Variants in DCAF6 observed in about 807,000 individuals in gnomAD.
DCAF6 encodes the protein DDB1 and CUL4 associated factor 6, also known as DDB1- and CUL4-associated factor 6.
A neutral mutation model predicts 125.1 loss-of-function variants in DCAF6; 54 were observed. The observed-to-expected ratio is 0.43, with a 90% CI of 0.35 to 0.54. The LOEUF is 0.54. Among genes scored for constraint, DCAF6 ranks in the 20% least tolerant of loss-of-function variants. The probability of loss-of-function intolerance (pLI) is 0.01; values close to 1 mark genes in which losing one functional copy is unlikely to be tolerated. For missense variants in DCAF6, 934 were observed against 1,161.7 expected, an observed-to-expected ratio of 0.80 and a Z score of 2.85; for synonymous variants, 371 against 390.4, an observed-to-expected ratio of 0.95 and a Z score of 0.58.
the DCAF6 span, among the ~76,000 whole-genome samples, chr1:167,899,158 G>A: frequency 6.6e-5 from 10 of 152,118 alleles, no homozygotes; most frequent in Non-Finnish European, 8.8e-5. Context: ...AAGGTCGCTA[G>A]CCCCTCAAAA....
the DCAF6 span, among the ~76,000 whole-genome samples, chr1:167,869,450 A>G: frequency 7.9e-5 from 12 of 152,160 alleles, no homozygotes; most frequent in Non-Finnish European, 1.5e-4. Flanking sequence ...AGACCCTCTC[A>G]TATTGTTTTA....
At chr1:167,970,437 A>G (rs1042774630) in intron 3 of DCAF6, among the ~76,000 whole-genome samples, 4 of 152,152 alleles carry the variant, frequency 2.6e-5, no homozygotes, top group Non-Finnish European at 5.9e-5. Context: ...AGATCGCTTG[A>G]GGCCAGGAGT....
chr1:168,071,005 A>G (rs1347811906), intron 21 of DCAF6, among the ~76,000 whole-genome samples: 4 of 152,304 alleles, frequency 2.6e-5, no homozygotes, highest in Admixed American at 1.3e-4. Flanking sequence ...CTGTTATCCT[A>G]TTGAGATCAC....
At chr1:167,966,124 C>T (rs1374511817) in intron 2 of DCAF6, among the ~76,000 whole-genome samples, 2 of 152,114 alleles carry the variant, frequency 1.3e-5, no homozygotes, top group Non-Finnish European at 2.9e-5. Flanking sequence ...AGCATTTTGT[C>T]CTGTGTCCTT....
chr1:168,052,123 A>C (rs1431115278), intron 17 of DCAF6, among the ~76,000 whole-genome samples: 1 of 152,090 alleles, frequency 6.6e-6, no homozygotes, highest in Non-Finnish European at 1.5e-5. Context: ...ACATCAAGTG[A>C]TCTGCCCATG....
In DCAF6 at chr1:167,985,213, T is replaced by G. The variant is rs918449894; in HGVS notation, c.439-2282T>G. On this transcript the variant is annotated intron_variant, in intron 4 of 21. Coordinates refer to ENST00000367840, the MANE Select transcript of DCAF6 (RefSeq NM_001198956.2). ...TGTGTGTGTGTGTGTGTGTGTGTGGTGTGTGTGTGTGTGGTGTGTGTGTGC... is the reference window on the plus strand; with the variant it reads ...TGTGTGTGTGTGTGTGTGTGTGTGGGGTGTGTGTGTGTGGTGTGTGTGTGC... Among the ~76,000 whole-genome samples the G allele has an allele frequency of 5.7e-5, 8 of 141,114 alleles. No homozygotes were observed. The South Asian group carries it at 6.7e-4, about 12-fold the overall frequency. 92.6% of individuals were successfully genotyped at this position (141,114 alleles called of 152,430 possible). A position where few individuals can be genotyped will look rare whatever the true frequency, so the allele number is the denominator to read the frequency against.
chr1:167,924,726 T>C, the DCAF6 span, among the ~76,000 whole-genome samples: 1 of 152,176 alleles, frequency 6.6e-6, no homozygotes, highest in Non-Finnish European at 1.5e-5. Flanking sequence ...ACAGTACAGT[T>C]GACCCTTGAA....
the DCAF6 span, among the ~76,000 whole-genome samples, chr1:167,881,858 G>A: frequency 1.3e-5 from 2 of 152,180 alleles, no homozygotes; most frequent in Non-Finnish European, 2.9e-5. Context: ...ATACCCATGG[G>A]TCAGTATTGA....
At chr1:167,930,707 AAC>A in the DCAF6 span, among the ~76,000 whole-genome samples, 2 of 152,206 alleles carry the variant, frequency 1.3e-5, no homozygotes, top group East Asian at 3.8e-4. Flanking sequence ...CAACGACTAG[AAC>A]ACAGTTTCTT....
At chr1:168,019,176 G>A (rs1358376434) in intron 11 of DCAF6, among the ~76,000 whole-genome samples, 1 of 138,252 alleles carries the variant, frequency 7.2e-6, no homozygotes, top group Non-Finnish European at 1.5e-5. Flanking sequence ...AGCCTCCCAA[G>A]TAGCTGGGAT....
At chr1:168,045,485 G>C (rs1162593413) in intron 16 of DCAF6, among the ~76,000 whole-genome samples, 1 of 152,174 alleles carries the variant, frequency 6.6e-6, no homozygotes. Flanking sequence ...TGAATTTACA[G>C]ATCAAGAGAA....
the DCAF6 span, chr1:167,896,581 T>C: frequency 1.3e-6 from 2 of 1,594,526 alleles, no homozygotes; most frequent in South Asian, 1.1e-5. Context: ...CATTTTTCCA[T>C]GGTGGGTACT....
the DCAF6 span, among the ~76,000 whole-genome samples, chr1:167,921,360 T>C: frequency 6.6e-6 from 1 of 152,028 alleles, no homozygotes; most frequent in African/African-American, 2.4e-5. Context: ...TAGCTGGAAT[T>C]ACAGGCGTGT....
intron 11 of DCAF6, among the ~76,000 whole-genome samples, chr1:168,022,780 A>G (rs1303699696): frequency 6.6e-6 from 1 of 152,200 alleles, no homozygotes; most frequent in Non-Finnish European, 1.5e-5. Flanking sequence ...TAGTTTCTCA[A>G]CTCATTCTCA....
chr1:167,979,879 T>C (rs914395547), intron 4 of DCAF6, among the ~76,000 whole-genome samples: 1 of 149,450 alleles, frequency 6.7e-6, no homozygotes, highest in Admixed American at 6.7e-5. Flanking sequence ...AGAGTGAGAC[T>C]CTGTCTCAAA....
At chr1:167,990,237 G>A (rs1680642180) in intron 5 of DCAF6, among the ~76,000 whole-genome samples, 2 of 152,022 alleles carry the variant, frequency 1.3e-5, no homozygotes, top group African/African-American at 4.8e-5. Flanking sequence ...GTATGGTGGT[G>A]TGCACCTGTA....
chr1:167,877,592 A>G, the DCAF6 span, among the ~76,000 whole-genome samples: 3 of 152,204 alleles, frequency 2.0e-5, no homozygotes, highest in Admixed American at 6.5e-5. Flanking sequence ...AATAATTAGT[A>G]TCTTCAAAGA....
Position 167,943,456 on chromosome 1 carries a change from T to G in DCAF6, c.97+6448T>G, listed in dbSNP as rs1467793845. Among the ~76,000 whole-genome samples, 3 of 152,208 alleles carry G rather than the reference T, an allele frequency of 2.0e-5. No homozygotes were observed. In the East Asian group the frequency reaches 5.8e-4, roughly 29 times the overall value. The stretch of plus-strand genomic sequence containing the variant: ...CTCAGCAGTGATTTGTATTTTTTGG[T>G]GTTAGGTTTATCCTTAAATATTTCA... On this transcript the variant is annotated intron_variant, in intron 1 of 21. Coordinates refer to ENST00000367840, the MANE Select transcript of DCAF6 (RefSeq NM_001198956.2).
the DCAF6 span, chr1:167,901,692 C>T: frequency 1.9e-6 from 3 of 1,614,158 alleles, no homozygotes; most frequent in Non-Finnish European, 2.5e-6. Flanking sequence ...AGGCCTTCTT[C>T]CCACTCCTGG....
Sources: allele counts gnomAD v4.1 joint callset (sites outside exome capture counted in the v4.1 genomes callset), GRCh38; gene constraint gnomAD v4.1.1; transcripts MANE v1.5; gene names NCBI Gene and HGNC (gene_info 2026-07-23, HGNC 2026-07-21).